Variants in OSBP2 observed in about 807,000 individuals in gnomAD.
The protein encoded by OSBP2 is oxysterol-binding protein 2.
A neutral mutation model predicts 96.0 loss-of-function variants in OSBP2; 66 were observed. That is an observed-to-expected ratio of 0.69 (90% CI 0.56 to 0.84). The LOEUF (loss-of-function observed/expected upper bound fraction) is 0.84. Among genes scored for constraint, OSBP2 ranks in the 40% least tolerant of loss-of-function variants. OSBP2 has a pLI of 0.00. For missense variants in OSBP2, 1,038 were observed against 1,222.7 expected, an observed-to-expected ratio of 0.85 and a Z score of 2.25; for synonymous variants, 525 against 520.9, an observed-to-expected ratio of 1.01 and a Z score of -0.11.
At chr22:30,787,504 C>T (rs968114181) in intron 2 of OSBP2, among the ~76,000 whole-genome samples, 1 of 152,046 alleles carries the variant, frequency 6.6e-6, no homozygotes, top group African/African-American at 2.4e-5. Context: ...GAAACCCCAT[C>T]TCAACTAAAA....
intron 2 of OSBP2, among the ~76,000 whole-genome samples, chr22:30,759,922 T>G (rs183505875): frequency 4.2e-4 from 64 of 151,924 alleles, no homozygotes; most frequent in African/African-American, 1.4e-3. Context: ...TGTGCAGTGG[T>G]GCAGTCTTGG....
chr22:30,873,329 G>A (rs530171534), intron 3 of OSBP2, among the ~76,000 whole-genome samples: 1 of 152,254 alleles, frequency 6.6e-6, no homozygotes, highest in East Asian at 1.9e-4. Context: ...CAGGATGCGG[G>A]GCAGCCTCAC....
At chr22:30,820,358 G>A (rs1411879225) in intron 2 of OSBP2, among the ~76,000 whole-genome samples, 1 of 151,802 alleles carries the variant, frequency 6.6e-6, no homozygotes, top group Admixed American at 6.6e-5. Context: ...CACTGTACTT[G>A]AGTCTGGGTG....
At chr22:30,699,170 C>G (rs188908744) in intron 1 of OSBP2, among the ~76,000 whole-genome samples, 1 of 152,202 alleles carries the variant, frequency 6.6e-6, no homozygotes, top group East Asian at 1.9e-4. Flanking sequence ...GTCTCAAACT[C>G]CTGGCCTCAA....
chr22:30,728,104 G>A (rs1200069077), intron 1 of OSBP2, among the ~76,000 whole-genome samples: 1 of 144,216 alleles, frequency 6.9e-6, no homozygotes, highest in Non-Finnish European at 1.5e-5. Flanking sequence ...CTGTCTCAAA[G>A]AAAAATAAAG....
At chr22:30,832,402 C>T (rs1365374393) in intron 2 of OSBP2, among the ~76,000 whole-genome samples, 1 of 151,882 alleles carries the variant, frequency 6.6e-6, no homozygotes, top group Non-Finnish European at 1.5e-5. Flanking sequence ...GCGATCCTCC[C>T]ACCTCAGCCT....
rs147609679 is a variant in OSBP2, at chr22:30,892,606, G to C, written c.1870-516G>C. ...GCTTGGTGGAACTGCCAGCAAGGCAGGGGAGGGCCGGGCCCGGGGCAGTGC... is the reference window on the plus strand; with the variant it reads ...GCTTGGTGGAACTGCCAGCAAGGCACGGGAGGGCCGGGCCCGGGGCAGTGC... On this transcript the variant is annotated intron_variant, in intron 8 of 13. Transcript: ENST00000332585. Among the ~76,000 whole-genome samples, 21 of 152,286 alleles carry C rather than the reference G, an allele frequency of 1.4e-4. 1 individual carries two copies. The East Asian group carries it at 4.1e-3, about 29-fold the overall frequency.
chr22:30,834,911 G>T (rs2038601917), intron 2 of OSBP2, among the ~76,000 whole-genome samples: 1 of 151,464 alleles, frequency 6.6e-6, no homozygotes, highest in South Asian at 2.1e-4. Flanking sequence ...TGCCTCCTGG[G>T]TTCAAGTGAT....
intron 1 of OSBP2, among the ~76,000 whole-genome samples, chr22:30,730,048 T>C (rs549327974): frequency 1.3e-5 from 2 of 152,164 alleles, no homozygotes; most frequent in South Asian, 4.2e-4. Flanking sequence ...CTGCAACCTC[T>C]GCCTCCCAGG....
chr22:30,832,575 G>C (rs752642736), intron 2 of OSBP2, among the ~76,000 whole-genome samples: 2 of 152,114 alleles, frequency 1.3e-5, no homozygotes, highest in Non-Finnish European at 2.9e-5. Context: ...GCTGCTGCTT[G>C]TATTGTGCAA....
chr22:30,861,771 C>T (rs1241929894), intron 2 of OSBP2, among the ~76,000 whole-genome samples: 1 of 152,160 alleles, frequency 6.6e-6, no homozygotes, highest in Non-Finnish European at 1.5e-5. Flanking sequence ...CTGGGTTCCC[C>T]AATCAGGAAG....
Position 30,893,226 on chromosome 22 carries a change from C to G in OSBP2, c.1974C>G (p.Ile658Met), listed in dbSNP as rs567050952. 1 of 1,614,102 alleles carries G rather than the reference C, an allele frequency of 6.2e-7. No homozygotes were observed. Among genetic ancestry groups the G allele is most frequent in the South Asian group, 1.1e-5 (1 of 91,082 alleles). Reference sequence around the variant, plus strand: ...CCAGCAAGTTCCGGGGAAAATACATCTCCATCATGCCGCTAGGTGAGCTGG... The same window carrying G: ...CCAGCAAGTTCCGGGGAAAATACATGTCCATCATGCCGCTAGGTGAGCTGG... ...TISSKFRGKY[I>M]SIMPLGAIHL... Residue 658 changes from isoleucine (I) to methionine (M), a missense_variant, in exon 9 of 14, where the codon ATC becomes ATG. Coordinates refer to ENST00000332585, the MANE Select transcript of OSBP2 (RefSeq NM_030758.4).
chr22:30,794,422 G>A (rs1036151532), intron 2 of OSBP2, among the ~76,000 whole-genome samples: 3 of 151,768 alleles, frequency 2.0e-5, no homozygotes, highest in Non-Finnish European at 2.9e-5. Context: ...CCGACATCAT[G>A]TCCGACTAAT....
chr22:30,740,298 C>A (rs1226968131), intron 1 of OSBP2, among the ~76,000 whole-genome samples: 3 of 152,088 alleles, frequency 2.0e-5, no homozygotes, highest in Admixed American at 6.5e-5. Context: ...TCAGACGAGC[C>A]AGTTTATCGA....
At chr22:30,795,932 TTA>T (rs1257362817) in intron 2 of OSBP2, among the ~76,000 whole-genome samples, 1 of 152,236 alleles carries the variant, frequency 6.6e-6, no homozygotes, top group Non-Finnish European at 1.5e-5. Flanking sequence ...ATTTTGTCCT[TTA>T]TCTTTCCTTT....
chr22:30,716,536 C>T (rs1011675986), intron 1 of OSBP2, among the ~76,000 whole-genome samples: 1 of 152,046 alleles, frequency 6.6e-6, no homozygotes, highest in Non-Finnish European at 1.5e-5. Flanking sequence ...CTCCCAGGTT[C>T]AAGCAATTCT....
chr22:30,796,424 A>G (rs538941260), intron 2 of OSBP2, among the ~76,000 whole-genome samples: 1 of 152,302 alleles, frequency 6.6e-6, no homozygotes, highest in Non-Finnish European at 1.5e-5. Flanking sequence ...CTACTACCCT[A>G]TGTTATTTTA....
At chr22:30,803,071 G>T in intron 2 of OSBP2, 2 of 205,618 alleles carry the variant, frequency 9.7e-6, no homozygotes, top group Admixed American at 6.1e-5. Context: ...TGGACTGAGA[G>T]CGCGGCGGCG....
intron 2 of OSBP2, among the ~76,000 whole-genome samples, chr22:30,820,801 G>A (rs558380395): frequency 8.5e-5 from 13 of 152,222 alleles, no homozygotes; most frequent in African/African-American, 3.1e-4. Flanking sequence ...GCCCAGAATG[G>A]CTAAATGCTT....
Sources: gnomAD v4.1 joint callset for allele counts (sites outside exome capture counted in the v4.1 genomes callset) on GRCh38, gnomAD v4.1.1 for gene constraint, MANE v1.5 for transcripts, NCBI Gene and HGNC (gene_info 2026-07-23, HGNC 2026-07-21) for gene names.